Variants in TGFA observed in about 807,000 individuals in gnomAD.
TGFA encodes the protein protransforming growth factor alpha.
TGFA carries 12 observed loss-of-function variants against 21.7 expected under a neutral mutation model. The ratio of observed to expected loss-of-function variants is 0.55; its 90% CI spans 0.35 to 0.90. The LOEUF (loss-of-function observed/expected upper bound fraction) is 0.90, where lower values mean the gene tolerates loss of function less well. TGFA is among the 40% of genes least tolerant of loss of function. The pLI is 0.01. For missense variants in TGFA, 178 were observed against 210.8 expected (o/e 0.84, Z 0.96); for synonymous variants, 79 against 88.1 (o/e 0.90, Z 0.58).
intron 1 of TGFA, among the ~76,000 whole-genome samples, chr2:70,516,247 C>G (rs1559130348): frequency 6.6e-6 from 1 of 152,226 alleles, no homozygotes; most frequent in Admixed American, 6.5e-5. Context: ...CAAGTTAGCA[C>G]AGGAAACAAG....
intron 1 of TGFA, among the ~76,000 whole-genome samples, chr2:70,547,322 C>T (rs113971512): frequency 0.11 from 17,470 of 152,020 alleles, 1,087 homozygotes; most frequent in Middle Eastern, 0.19. Context: ...TGGCTGGGCA[C>T]GGTGGCTCAT....
chr2:70,458,835 C>T (rs1670320481), intron 3 of TGFA, among the ~76,000 whole-genome samples: 1 of 152,250 alleles, frequency 6.6e-6, no homozygotes, highest in South Asian at 2.1e-4. Flanking sequence ...ACCAGCTTCA[C>T]TTCTGGTCCC....
At chr2:70,533,626 C>CT (rs1672882573) in intron 1 of TGFA, among the ~76,000 whole-genome samples, 1 of 147,918 alleles carries the variant, frequency 6.8e-6, no homozygotes, top group African/African-American at 2.5e-5. Context: ...GCTGGATAGG[C>CT]TGCTGGTCTT....
chr2:70,452,270 G>C (rs1670081642), intron 5 of TGFA, among the ~76,000 whole-genome samples: 1 of 152,128 alleles, frequency 6.6e-6, no homozygotes, highest in South Asian at 2.1e-4. Flanking sequence ...TTGAATCCCT[G>C]AAAAGCTGGC....
chr2:70,482,598 C>T lies in TGFA; in HGVS notation c.95-16862G>A, dbSNP rs114307787. Among the ~76,000 whole-genome samples, 799 of 152,308 alleles carry T rather than the reference C, an allele frequency of 5.2e-3. 8 individuals carry two copies. Among genetic ancestry groups the T allele is most frequent in the African/African-American group, 0.019 (772 of 41,562 alleles). On this transcript the variant is annotated intron_variant, in intron 2 of 5. Coordinates refer to ENST00000295400, the MANE Select transcript of TGFA (RefSeq NM_003236.4). ...CACTTAAACTACTGTCAAATTTGGC[C>T]TCATATCTTCCTGATTAAATCATTA...
intron 1 of TGFA, among the ~76,000 whole-genome samples, chr2:70,531,350 T>C (rs1672809194): frequency 6.6e-6 from 1 of 152,182 alleles, no homozygotes; most frequent in South Asian, 2.1e-4. Flanking sequence ...AAGCCAATCC[T>C]GTCTAACAGG....
chr2:70,459,811 G>A (rs1234492858), intron 3 of TGFA, among the ~76,000 whole-genome samples: 1 of 152,188 alleles, frequency 6.6e-6, no homozygotes, highest in Admixed American at 6.5e-5. Context: ...TCACTCTAGT[G>A]TTAATAGCTG....
intron 1 of TGFA, among the ~76,000 whole-genome samples, chr2:70,524,749 A>C (rs1364240339): frequency 1.3e-5 from 2 of 152,200 alleles, no homozygotes; most frequent in Non-Finnish European, 2.9e-5. Flanking sequence ...GCTGGGGATA[A>C]AGTGGCAGAT....
chr2:70,538,229 C>T (rs1188683921), intron 1 of TGFA, among the ~76,000 whole-genome samples: 3 of 152,166 alleles, frequency 2.0e-5, no homozygotes, highest in Admixed American at 1.3e-4. Flanking sequence ...GCACCTGGGT[C>T]GCCCAAGAGC....
At chr2:70,490,669 A>C (rs1332735273) in intron 2 of TGFA, among the ~76,000 whole-genome samples, 2 of 152,220 alleles carry the variant, frequency 1.3e-5, no homozygotes, top group African/African-American at 4.8e-5. Flanking sequence ...TTGAGTAAAT[A>C]ATCAAGGGGG....
intron 1 of TGFA, among the ~76,000 whole-genome samples, chr2:70,515,697 G>A (rs935211059): frequency 6.6e-6 from 1 of 152,184 alleles, no homozygotes; most frequent in African/African-American, 2.4e-5. Flanking sequence ...TGCCAGTCCA[G>A]AATGGGGACA....
rs1553490550 is a variant in TGFA at position 70,456,408 on chromosome 2, G to T, written c.296C>A (p.Ala99Asp). The T allele has an allele frequency of 6.3e-7, 1 of 1,592,764 alleles. No individual in the cohort carries two copies. The highest frequency in any genetic ancestry group is 1.7e-5 in the Admixed American group (1 of 57,614). ...AVVAASQKKQ[A>D]ITALVVVSIV... Reference sequence around the variant, plus strand: ...GGAGACCACCACCAAGGCGGTGATGGCCTGCTTCTTCTGGCTGGCAGCCAC... The same window carrying T: ...GGAGACCACCACCAAGGCGGTGATGTCCTGCTTCTTCTGGCTGGCAGCCAC... Residue 99 changes from alanine (A) to aspartate (D), a missense_variant, in exon 4 of 6, where the codon GCC (alanine) becomes GAC (aspartate). Transcript: ENST00000295400.
intron 1 of TGFA, among the ~76,000 whole-genome samples, chr2:70,523,412 C>G (rs1288664589): frequency 6.6e-6 from 1 of 152,204 alleles, no homozygotes; most frequent in Non-Finnish European, 1.5e-5. Flanking sequence ...AGCAAACACA[C>G]TCACTGGTGT....
At chr2:70,507,568 A>C (rs1671965581) in intron 2 of TGFA, among the ~76,000 whole-genome samples, 1 of 152,046 alleles carries the variant, frequency 6.6e-6, no homozygotes, top group African/African-American at 2.4e-5. Context: ...GCTACTTTTC[A>C]CTCTACTGGA....
chr2:70,488,381 C>T (rs923540303), intron 2 of TGFA, among the ~76,000 whole-genome samples: 6 of 152,150 alleles, frequency 3.9e-5, no homozygotes, highest in Admixed American at 1.3e-4. Context: ...GTGCATAAGA[C>T]GTATTTCATT....
At chr2:70,478,572 T>TC (rs1671007931) in intron 2 of TGFA, among the ~76,000 whole-genome samples, 1 of 152,200 alleles carries the variant, frequency 6.6e-6, no homozygotes, top group Admixed American at 6.5e-5. Context: ...GAACTTCTCA[T>TC]CCATCCATTC....
At chr2:70,455,400 G>T (rs1184950373) in intron 4 of TGFA, among the ~76,000 whole-genome samples, 3 of 152,160 alleles carry the variant, frequency 2.0e-5, no homozygotes, top group African/African-American at 7.2e-5. Context: ...CTGGCTTCTT[G>T]CATCGACATG....
rs542439888 is a variant in TGFA, at chr2:70,500,178, C to T, written c.94+14681G>A. Among the ~76,000 whole-genome samples, 12 of 152,250 alleles carry T rather than the reference C, an allele frequency of 7.9e-5. No individual in the cohort carries two copies. The South Asian group carries it at 1.0e-3, about 13-fold the overall frequency. ...AGCTGCATGTGGCTGCCATATTGGA[C>T]GATGCAGTTCTAGACAGAGCTGCCA... On this transcript the variant is annotated intron_variant, in intron 2 of 5. Transcript: ENST00000295400.
chr2:70,463,132 C>A (rs554802584), intron 3 of TGFA, among the ~76,000 whole-genome samples: 1 of 152,190 alleles, frequency 6.6e-6, no homozygotes, highest in African/African-American at 2.4e-5. Flanking sequence ...CTCTGGGACT[C>A]TGGGCAAGTT....
Sources: allele counts gnomAD v4.1 joint callset (sites outside exome capture counted in the v4.1 genomes callset), GRCh38; gene constraint gnomAD v4.1.1; transcripts MANE v1.5; gene names NCBI Gene and HGNC (gene_info 2026-07-23, HGNC 2026-07-21).